Variants in GALNT16 observed in about 807,000 individuals in gnomAD.
GALNT16 encodes polypeptide N-acetylgalactosaminyltransferase 16, also known as UDP-GalNAc:polypeptide N-acetylgalactosaminyltransferase-like protein 1.
Under a neutral mutation model 76.1 loss-of-function variants are expected in GALNT16, and 40 were observed. That is an observed-to-expected ratio of 0.53 (90% CI 0.41 to 0.68). GALNT16 has a LOEUF of 0.68. Ranked by LOEUF, GALNT16 falls within the 30% of genes least tolerant of loss-of-function variation. The pLI, the probability that GALNT16 is intolerant of heterozygous loss-of-function variation, is 0.00. For missense variants in GALNT16, 621 were observed against 731.9 expected, an observed-to-expected ratio of 0.85 and a Z score of 1.75; for synonymous variants, 276 against 285.2, an observed-to-expected ratio of 0.97 and a Z score of 0.32.
At chr14:69,322,925 G>GGGGGGTGTGTGTGT (rs797021875) in intron 2 of GALNT16, among the ~76,000 whole-genome samples, 2 of 103,780 alleles carry the variant, frequency 1.9e-5, no homozygotes, top group African/African-American at 3.9e-5. Flanking sequence ...TGGCTCACGG[G>GGGGGGTGTGTGTGT]GTGTGTGTGT....
At chr14:69,290,543 A>G (rs2044676152) in intron 1 of GALNT16, among the ~76,000 whole-genome samples, 1 of 152,228 alleles carries the variant, frequency 6.6e-6, no homozygotes, top group Non-Finnish European at 1.5e-5. Context: ...TTTTAAACTG[A>G]CAAAAGCAGT....
intron 7 of GALNT16, among the ~76,000 whole-genome samples, chr14:69,331,867 C>T (rs2045356700): frequency 6.6e-6 from 1 of 152,180 alleles, no homozygotes; most frequent in South Asian, 2.1e-4. Context: ...GCCACAAGTC[C>T]CGGCAGAAGG....
chr14:69,281,676 C>T (rs2044543611), intron 1 of GALNT16, among the ~76,000 whole-genome samples: 1 of 152,176 alleles, frequency 6.6e-6, no homozygotes, highest in Non-Finnish European at 1.5e-5. Flanking sequence ...TTCATGTGCT[C>T]ACGTGACCCC....
chr14:69,290,205 T>C (rs2044671988), intron 1 of GALNT16, among the ~76,000 whole-genome samples: 1 of 152,238 alleles, frequency 6.6e-6, no homozygotes, highest in African/African-American at 2.4e-5. Context: ...TATTTGGAGA[T>C]GCTCTCAAGT....
chr14:69,276,091 T>C (rs1479048318), intron 1 of GALNT16, among the ~76,000 whole-genome samples: 1 of 152,088 alleles, frequency 6.6e-6, no homozygotes, highest in Non-Finnish European at 1.5e-5. Context: ...ACGGGAAAGA[T>C]GATTCAGTTA....
At chr14:69,318,726 T>G (rs1052661789) in intron 1 of GALNT16, among the ~76,000 whole-genome samples, 13 of 152,196 alleles carry the variant, frequency 8.5e-5, no homozygotes, top group African/African-American at 3.1e-4. Context: ...AAGTGCATAC[T>G]CTCCCTTTGG....
intron 1 of GALNT16, among the ~76,000 whole-genome samples, chr14:69,307,702 C>T (rs72625678): frequency 0.066 from 9,978 of 152,204 alleles, 609 homozygotes; most frequent in East Asian, 0.32. Context: ...GCCTGCCCAC[C>T]TCAACTAAGT....
chr14:69,330,087 G>A (rs2045335071), intron 6 of GALNT16, among the ~76,000 whole-genome samples: 1 of 152,200 alleles, frequency 6.6e-6, no homozygotes. Flanking sequence ...GGAGCTGCTA[G>A]GTGTAGACCC....
chr14:69,317,993 T>C (rs1445767354), intron 1 of GALNT16, among the ~76,000 whole-genome samples: 1 of 152,166 alleles, frequency 6.6e-6, no homozygotes, highest in Non-Finnish European at 1.5e-5. Context: ...TCAGAGGTCA[T>C]GGAATTGTGG....
At chr14:69,351,952 T>C in intron 14 of GALNT16, 79 bp from the exon 15 acceptor site, 2 of 1,354,262 alleles carry the variant, frequency 1.5e-6, no homozygotes, top group Non-Finnish European at 2.1e-6. Flanking sequence ...TGTGCATACA[T>C]GTGGAATGAA....
the GALNT16 span, among the ~76,000 whole-genome samples, chr14:69,372,564 C>T: frequency 2.9e-5 from 4 of 137,666 alleles, no homozygotes; most frequent in South Asian, 6.9e-4. Flanking sequence ...GATGCGATCT[C>T]GGCTCACTGC....
chr14:69,336,020 A>G lies in GALNT16; in HGVS notation c.967+2420A>G, dbSNP rs1291950262. On this transcript the variant is annotated intron_variant, in intron 9 of 14. Coordinates refer to ENST00000448469, the MANE Select transcript of GALNT16 (RefSeq NM_001168368.2). ...GGAAAACCCAAACTCCTTACTGGCT[A>G]CAGGGTATCTGCCTTTCCCTGCAGC... Among the ~76,000 whole-genome samples the G allele has an allele frequency of 2.0e-5, 3 of 152,160 alleles. No individual in the cohort carries two copies. The East Asian group carries it at 5.8e-4, about 29-fold the overall frequency.
chr14:69,318,653 A>C (rs1394886157), intron 1 of GALNT16, among the ~76,000 whole-genome samples: 1 of 152,238 alleles, frequency 6.6e-6, no homozygotes, highest in African/African-American at 2.4e-5. Context: ...GAGCCCACAG[A>C]GTGGCCGTAA....
At chr14:69,315,561 G>A (rs1366883527) in intron 1 of GALNT16, among the ~76,000 whole-genome samples, 1 of 152,216 alleles carries the variant, frequency 6.6e-6, no homozygotes, top group Non-Finnish European at 1.5e-5. Context: ...TGCTGGGGAA[G>A]GCTGGGAATG....
At chr14:69,380,822 AC>A in the GALNT16 span, among the ~76,000 whole-genome samples, 1 of 152,322 alleles carries the variant, frequency 6.6e-6, no homozygotes, top group South Asian at 2.1e-4. Flanking sequence ...ACTTTATATC[AC>A]CTAGTACAAT....
chr14:69,327,859 A>C (rs772026992), intron 5 of GALNT16, among the ~76,000 whole-genome samples: 9 of 151,996 alleles, frequency 5.9e-5, no homozygotes, highest in Non-Finnish European at 1.0e-4. Flanking sequence ...GAAGAACAGA[A>C]CCTGACATGT....
chr14:69,267,211 T>C, intron 1 of GALNT16, among the ~76,000 whole-genome samples: 1 of 152,078 alleles, frequency 6.6e-6, no homozygotes. Flanking sequence ...CCCCTAAACT[T>C]CAGATGCGCC....
chr14:69,314,019 G>A (rs1253233518), intron 1 of GALNT16, among the ~76,000 whole-genome samples: 1 of 152,206 alleles, frequency 6.6e-6, no homozygotes, highest in African/African-American at 2.4e-5. Flanking sequence ...GAACTGCCTG[G>A]AGAGCTTTAA....
At chr14:69,384,400 G>C in the GALNT16 span, among the ~76,000 whole-genome samples, 1 of 152,144 alleles carries the variant, frequency 6.6e-6, no homozygotes, top group African/African-American at 2.4e-5. Flanking sequence ...TTGTCAAAGG[G>C]AGCTAGCAAA....
Sources: gnomAD v4.1 joint callset for allele counts (sites outside exome capture counted in the v4.1 genomes callset) on GRCh38, gnomAD v4.1.1 for gene constraint, MANE v1.5 for transcripts, NCBI Gene and HGNC (gene_info 2026-07-23, HGNC 2026-07-21) for gene names.